PPEF2: variants seen among roughly 807,000 people sequenced by gnomAD.
The protein encoded by PPEF2 is serine/threonine-protein phosphatase with EF-hands 2.
Under a neutral mutation model 84.7 loss-of-function variants are expected in PPEF2, and 84 were observed. The ratio of observed to expected loss-of-function variants is 0.99; its 90% CI spans 0.83 to 1.19. The LOEUF is 1.19. Ranked by LOEUF, PPEF2 falls within the 50% of genes most tolerant of loss-of-function variation. The pLI is 0.00. For synonymous variants in PPEF2, 346 were observed against 345.2 expected (o/e 1.00, Z -0.03); for missense variants, 924 against 937.5 (o/e 0.99, Z 0.19).
intron 1 of PPEF2, among the ~76,000 whole-genome samples, chr4:75,899,104 C>T (rs532842352): frequency 2.2e-4 from 33 of 152,232 alleles, no homozygotes; most frequent in South Asian, 1.9e-3. Context: ...AGTGAGATCA[C>T]GCAGTATTTG....
intron 4 of PPEF2, among the ~76,000 whole-genome samples, chr4:75,891,309 G>A (rs1293899920): frequency 6.6e-6 from 1 of 152,176 alleles, no homozygotes; most frequent in Non-Finnish European, 1.5e-5. Flanking sequence ...TTTGCCTGCA[G>A]GGGGTATAAT....
At chr4:75,870,345 G>A (rs2149216076) in intron 13 of PPEF2, among the ~76,000 whole-genome samples, 1 of 152,194 alleles carries the variant, frequency 6.6e-6, no homozygotes, top group East Asian at 1.9e-4. Context: ...ACATTCACTT[G>A]GTAGGTTTAT....
intron 4 of PPEF2, 21 bp from the exon 5 acceptor site, chr4:75,890,153 G>T (rs1160301116): frequency 1.2e-6 from 2 of 1,612,848 alleles, no homozygotes; most frequent in Non-Finnish European, 1.7e-6. Flanking sequence ...TAGAAAAGGT[G>T]GATCAGCTTA....
intron 2 of PPEF2, 36 bp from the exon 3 acceptor site, chr4:75,892,014 G>A (rs374403838): frequency 6.7e-5 from 108 of 1,604,930 alleles, no homozygotes; most frequent in Admixed American, 3.8e-4. Flanking sequence ...CTGTGAGCTC[G>A]GACTCCCTGG....
At chr4:75,901,971 G>T (rs1460835172) in intron 1 of PPEF2, among the ~76,000 whole-genome samples, 2 of 152,096 alleles carry the variant, frequency 1.3e-5, no homozygotes, top group East Asian at 3.9e-4. Flanking sequence ...GTGAGACTCT[G>T]TCTCTTAGGT....
At chr4:75,882,848 C>T (rs950954955) in intron 10 of PPEF2, 78 bp downstream of exon 10, 20 of 1,478,132 alleles carry the variant, frequency 1.4e-5, no homozygotes, top group Admixed American at 1.9e-5. Context: ...TGACTGCAGT[C>T]AGCATGTAAG....
chr4:75,894,683 C>T (rs1724967872), intron 2 of PPEF2, among the ~76,000 whole-genome samples: 1 of 152,024 alleles, frequency 6.6e-6, no homozygotes, highest in Admixed American at 6.6e-5. Context: ...CTGTGCATGG[C>T]AGGGAGTGGT....
intron 2 of PPEF2, among the ~76,000 whole-genome samples, chr4:75,895,436 A>C (rs1724987059): frequency 7.0e-6 from 1 of 143,210 alleles, no homozygotes; most frequent in East Asian, 2.1e-4. Flanking sequence ...CTCAAAAACA[A>C]AAAAAAATTT....
intron 4 of PPEF2, 111 bp downstream of exon 4, chr4:75,891,537 T>C: frequency 7.9e-7 from 1 of 1,265,294 alleles, no homozygotes; most frequent in Non-Finnish European, 1.1e-6. Context: ...CCCTTGCTTA[T>C]TCCCTGGCTG....
At chr4:75,900,284 T>C (rs544385097) in intron 1 of PPEF2, among the ~76,000 whole-genome samples, 1 of 152,172 alleles carries the variant, frequency 6.6e-6, no homozygotes, top group Non-Finnish European at 1.5e-5. Context: ...GGTGGCAGAA[T>C]AAGATGACCT....
intron 2 of PPEF2, among the ~76,000 whole-genome samples, chr4:75,895,625 G>T (rs538266731): frequency 6.6e-6 from 1 of 151,990 alleles, no homozygotes; most frequent in Admixed American, 6.5e-5. Context: ...CCAGCTACTC[G>T]GGAGGCTGAG....
intron 10 of PPEF2, among the ~76,000 whole-genome samples, chr4:75,878,854 C>A (rs1470594053): frequency 6.6e-6 from 1 of 152,148 alleles, no homozygotes; most frequent in Non-Finnish European, 1.5e-5. Context: ...TCTCAGCTCA[C>A]CAAAACCTCT....
At chr4:75,861,612 C>A in intron 16 of PPEF2, among the ~76,000 whole-genome samples, 1 of 24,874 alleles carries the variant, frequency 4.0e-5, no homozygotes, top group African/African-American at 1.1e-4. Flanking sequence ...GGTTATGCAA[C>A]AGTTTTTTTT....
At position 75,867,303 on chromosome 4, in the gene PPEF2, T is replaced by C; in HGVS notation, c.1756+10A>G. On this transcript the variant is annotated intron_variant, in intron 14 of 16. Coordinates refer to ENST00000286719, the MANE Select transcript of PPEF2 (RefSeq NM_006239.3). ...CTTCCTCTGTGAATCTTTAACTTGA[T>C]CATTCTTACCGACTTTATCTGCATC... 2 of 1,600,378 alleles carry C rather than the reference T, an allele frequency of 1.2e-6. No homozygotes were observed. The highest frequency in any genetic ancestry group is 1.7e-5 in the Admixed American group (1 of 59,864).
intron 13 of PPEF2, among the ~76,000 whole-genome samples, chr4:75,869,582 C>A (rs1173556361): frequency 1.3e-5 from 2 of 152,176 alleles, no homozygotes; most frequent in Non-Finnish European, 2.9e-5. Context: ...CATGGTGGCT[C>A]GCACCTGTAA....
chr4:75,896,383 G>C lies in PPEF2; in HGVS notation c.-58C>G, dbSNP rs1440398244. The C allele has an allele frequency of 2.5e-6, 4 of 1,573,636 alleles. No homozygotes were observed. The African/African-American group carries it at 5.4e-5, about 21-fold the overall frequency. On this transcript the variant is annotated splice_region_variant and 5_prime_UTR_variant, in exon 2 of 17. Coordinates refer to ENST00000286719, the MANE Select transcript of PPEF2 (RefSeq NM_006239.3). ...AGATCCAGAGGACAGTGAGCTGTTT[G>C]CTGACAAAATGAAGAGAGAATCTGT...
intron 13 of PPEF2, among the ~76,000 whole-genome samples, chr4:75,871,158 C>G (rs1827765): frequency 0.99 from 150,281 of 151,582 alleles, 74,508 homozygotes; most frequent in Middle Eastern, 1. Context: ...GACCTCCAAT[C>G]ATCCACCCGC....
At position 75,860,644 on chromosome 4, in the gene PPEF2, G is replaced by T. The variant is rs1360504018; in HGVS notation, c.*23C>A. ...CTGAGCATTGCCTATGAGGCACTTT[G>T]GGTGATGAAGACCAGGCTGTTCTTA... is the stretch of plus-strand genomic sequence containing the variant. On this transcript the variant is annotated 3_prime_UTR_variant, in exon 17 of 17. Coordinates refer to ENST00000286719, the MANE Select transcript of PPEF2 (RefSeq NM_006239.3). 8.7e-6 allele frequency: 14 copies of T among 1,611,712 alleles called. No homozygotes were observed. Among genetic ancestry groups the T allele is most frequent in the Non-Finnish European group, 1.2e-5 (14 of 1,178,618 alleles).
intron 10 of PPEF2, among the ~76,000 whole-genome samples, chr4:75,877,649 T>C (rs1228640747): frequency 6.6e-6 from 1 of 151,150 alleles, no homozygotes; most frequent in African/African-American, 2.4e-5. Flanking sequence ...TGGGCTTGTA[T>C]CTTTTGTTTG....
Sources: gnomAD v4.1 joint callset for allele counts (sites outside exome capture counted in the v4.1 genomes callset) on GRCh38, gnomAD v4.1.1 for gene constraint, MANE v1.5 for transcripts, NCBI Gene and HGNC (gene_info 2026-07-23, HGNC 2026-07-21) for gene names.